The following PEAK1 variants were observed in gnomAD, a reference collection of about 807,000 sequenced individuals.
PEAK1 encodes pseudopodium enriched atypical kinase 1, also known as inactive tyrosine-protein kinase PEAK1.
Under a neutral mutation model 124.7 loss-of-function variants are expected in PEAK1, and 54 were observed. The ratio of observed to expected loss-of-function variants is 0.43; its 90% confidence interval spans 0.35 to 0.54. PEAK1 has a LOEUF of 0.54. Ranked by LOEUF, PEAK1 falls within the 20% of genes least tolerant of loss-of-function variation. The pLI is 0.01. For synonymous variants in PEAK1, 719 were observed against 760.0 expected, an observed-to-expected ratio of 0.95 and a Z score of 0.89; for missense variants, 2,046 against 2,134.5, an observed-to-expected ratio of 0.96 and a Z score of 0.82.
intron 6 of PEAK1, among the ~76,000 whole-genome samples, chr15:77,199,912 C>G (rs2058282368): frequency 6.6e-6 from 1 of 152,100 alleles, no homozygotes; most frequent in South Asian, 2.1e-4. Flanking sequence ...ACAACATGGA[C>G]CCTTCTCTAT....
chr15:77,217,855 T>C (rs190556943), intron 6 of PEAK1, among the ~76,000 whole-genome samples: 94 of 152,306 alleles, frequency 6.2e-4, no homozygotes, highest in African/African-American at 2.2e-3. Flanking sequence ...TTGTTAAATT[T>C]ATCCTAAAAA....
At chr15:77,377,484 ACT>A (rs2069124770) in intron 1 of PEAK1, among the ~76,000 whole-genome samples, 1 of 149,572 alleles carries the variant, frequency 6.7e-6, no homozygotes, top group Non-Finnish European at 1.5e-5. Context: ...ATGGAGTCTC[ACT>A]CTGTTGCCCA....
intron 2 of PEAK1, among the ~76,000 whole-genome samples, chr15:77,315,709 C>A (rs1160212213): frequency 6.6e-6 from 1 of 151,808 alleles, no homozygotes; most frequent in Non-Finnish European, 1.5e-5. Context: ...TGAGTCTAAT[C>A]ATGAGAAAAA....
In PEAK1 at chr15:77,378,203, TATATAC is replaced by T. The variant is rs1441338409; in HGVS notation, c.-665-12984_-665-12979del. Among the ~76,000 whole-genome samples the T allele has an allele frequency of 8.3e-3, 1,092 of 132,154 alleles. 15 individuals carry two copies. The highest frequency in any genetic ancestry group is 0.026 in the African/African-American group (1,035 of 39,478). 86.7% of individuals were successfully genotyped at this position (132,154 alleles called of 152,430 possible). ...TATAACAATATTATATATATATATA[TATATAC>T]ATAATCCCATAAAAATAAAGCAAGC... On this transcript the variant is annotated intron_variant, in intron 1 of 9. Transcript: ENST00000682557.
intron 1 of PEAK1, chr15:77,404,335 G>C: frequency 1.0e-6 from 1 of 985,226 alleles, no homozygotes; most frequent in Non-Finnish European, 1.2e-6. Context: ...CTAGGACTGT[G>C]CTAATACTAG....
intron 7 of PEAK1, chr15:77,177,960 C>T (rs1462740817): frequency 6.6e-6 from 1 of 152,174 alleles, no homozygotes; most frequent in Non-Finnish European, 1.5e-5. Context: ...AATTCCAGCT[C>T]TGAAAAGCAC....
chr15:77,331,220 C>T (rs1007216607), intron 2 of PEAK1: 1 of 181,514 alleles, frequency 5.5e-6, no homozygotes, highest in African/African-American at 2.4e-5. Flanking sequence ...ACCTCCGCTT[C>T]CTGGGCGCAA....
Position 77,181,836 on chromosome 15 carries a change from G to C in PEAK1, c.91C>G (p.Pro31Ala), listed in dbSNP as rs2057294410. Residue 31 changes from proline to alanine, a missense_variant, in exon 7 of 10, where the codon CCA (proline) becomes GCA (alanine). Transcript: ENST00000682557. Reference sequence around the variant, plus strand: ...GTGATGGGTGCCTTCTCAGGGTCTGGGGGAAGCTGGTGCAAACTTTTAGGT... The same window carrying C: ...GTGATGGGTGCCTTCTCAGGGTCTGCGGGAAGCTGGTGCAAACTTTTAGGT... ...FKPKSLHQLPPDPEKAPITHG... is the reference protein window; with the variant it reads ...FKPKSLHQLPADPEKAPITHG... 1 of 1,613,580 alleles carries C rather than the reference G, an allele frequency of 6.2e-7. No individual in the cohort carries two copies.
At chr15:77,166,527 A>G (rs1190216809) in intron 7 of PEAK1, among the ~76,000 whole-genome samples, 2 of 152,194 alleles carry the variant, frequency 1.3e-5, no homozygotes, top group Non-Finnish European at 2.9e-5. Flanking sequence ...CCCAGTTGTG[A>G]CAACCAAAAA....
At chr15:77,367,049 G>A (rs979718757) in intron 1 of PEAK1, among the ~76,000 whole-genome samples, 6 of 152,106 alleles carry the variant, frequency 3.9e-5, no homozygotes, top group Non-Finnish European at 5.9e-5. Context: ...CAGGGAAATC[G>A]CTTCAACCCG....
At chr15:77,342,850 C>T (rs2066629355) in intron 2 of PEAK1, among the ~76,000 whole-genome samples, 1 of 152,118 alleles carries the variant, frequency 6.6e-6, no homozygotes, top group African/African-American at 2.4e-5. Context: ...TTTTGTTTAT[C>T]CATTCATCTG....
rs529670321 is a variant in PEAK1, at chr15:77,108,303, T to C, written c.*5853A>G. Reference sequence around the variant, plus strand: ...GATAGATTTATACAACTTTACAATATGTAAGTAGAGGGGTGAAGCTCCGGA... The same window carrying C: ...GATAGATTTATACAACTTTACAATACGTAAGTAGAGGGGTGAAGCTCCGGA... On this transcript the variant is annotated 3_prime_UTR_variant, in exon 10 of 10. Transcript: ENST00000682557. 2 of 152,272 alleles carry C rather than the reference T, an allele frequency of 1.3e-5. No homozygotes were observed. The highest frequency in any genetic ancestry group is 2.1e-4 in the South Asian group (1 of 4,830). The allele number at this position is 152,272 out of a possible 1,614,324, so 9.4% of individuals were successfully genotyped here.
In PEAK1 at chr15:77,179,080, T is replaced by C. The variant is rs756264586; in HGVS notation, c.2847A>G (p.Lys949=). The change falls in exon 7 of 10, where the codon AAA becomes AAG. Residue 949 remains lysine, a synonymous_variant. Coordinates refer to ENST00000682557, the MANE Select transcript of PEAK1 (RefSeq NM_001385026.1). The part of the protein sequence containing the change: ...EEDDKEKERE[K]GKLVGLDGTV... ...TGCCATCCAGGCCCACCAGTTTCCC[T>C]TTCTCTCGCTCTTTCTCTTTGTCAT... 4 of 1,614,060 alleles carry C rather than the reference T, an allele frequency of 2.5e-6. No individual in the cohort carries two copies. The African/African-American group carries it at 4.0e-5, about 16-fold the overall frequency.
At chr15:77,276,096 T>C (rs891895717) in intron 5 of PEAK1, among the ~76,000 whole-genome samples, 14 of 152,248 alleles carry the variant, frequency 9.2e-5, no homozygotes, top group Admixed American at 4.6e-4. Flanking sequence ...AACAGAACTT[T>C]GGTGACTCGT....
intron 2 of PEAK1, among the ~76,000 whole-genome samples, chr15:77,314,662 C>T (rs1403802443): frequency 2.6e-5 from 4 of 152,142 alleles, no homozygotes; most frequent in African/African-American, 7.2e-5. Context: ...GCCACTGCGT[C>T]CTGCCTAAAA....
chr15:77,313,692 GTA>G lies in PEAK1; in HGVS notation c.-602-27190_-602-27189del, dbSNP rs1555478058. On this transcript the variant is annotated intron_variant, in intron 2 of 9. Coordinates refer to ENST00000682557, the MANE Select transcript of PEAK1 (RefSeq NM_001385026.1). ...TGTGTGTGTGTGTGTGTGTGTGTGTGTATATATATATATGTATGTGTGTGTGT... is the reference window on the plus strand; with the variant it reads ...TGTGTGTGTGTGTGTGTGTGTGTGTGTATATATATATGTATGTGTGTGTGT... Among the ~76,000 whole-genome samples, 214 of 98,810 alleles carry G rather than the reference GTA, an allele frequency of 2.2e-3. 1 individual carries two copies. The highest frequency in any genetic ancestry group is 0.012 in the South Asian group (39 of 3,282). The allele number at this position is 98,810 out of a possible 152,430, so 64.8% of individuals were successfully genotyped here.
At chr15:77,380,972 A>G (rs1477092341) in intron 1 of PEAK1, among the ~76,000 whole-genome samples, 3 of 152,170 alleles carry the variant, frequency 2.0e-5, no homozygotes, top group Admixed American at 6.5e-5. Context: ...GCCAGGTAAA[A>G]TAAGTTTTAT....
At chr15:77,218,501 T>G (rs2059245688) in intron 6 of PEAK1, among the ~76,000 whole-genome samples, 1 of 152,088 alleles carries the variant, frequency 6.6e-6, no homozygotes, top group South Asian at 2.1e-4. Context: ...ATTTTATTTA[T>G]TTAGTTAGCT....
intron 9 of PEAK1, among the ~76,000 whole-genome samples, chr15:77,128,804 C>G (rs763064989): frequency 6.6e-6 from 1 of 152,106 alleles, no homozygotes; most frequent in Non-Finnish European, 1.5e-5. Flanking sequence ...GAATCTCACC[C>G]ATATCTGATT....
Sources: allele counts gnomAD v4.1 joint callset (sites outside exome capture counted in the v4.1 genomes callset), GRCh38; gene constraint gnomAD v4.1.1; transcripts MANE v1.5; gene names NCBI Gene and HGNC (gene_info 2026-07-23, HGNC 2026-07-21).